Variants in P2RY8 observed in about 807,000 individuals in gnomAD.
P2RY8 encodes S-geranylgeranyl-glutathione receptor P2RY8.
P2RY8 carries 6 observed loss-of-function variants against 10.0 expected under a neutral mutation model. The ratio of observed to expected loss-of-function variants is 0.60; its 90% CI spans 0.33 to 1.19. The LOEUF (loss-of-function observed/expected upper bound fraction) is 1.19. Among genes scored for constraint, P2RY8 ranks in the 50% most tolerant of loss-of-function variants. P2RY8 has a pLI of 0.04. For synonymous variants in P2RY8, 276 were observed against 252.5 expected, an observed-to-expected ratio of 1.09 and a Z score of -0.88; for missense variants, 456 against 542.0, an observed-to-expected ratio of 0.84 and a Z score of 1.58.
intron 1 of P2RY8, among the ~76,000 whole-genome samples, chrX:1,532,720 G>A (rs1188421438): frequency 1.3e-5 from 2 of 151,902 alleles, no homozygotes; most frequent in Non-Finnish European, 2.9e-5. Flanking sequence ...ATGCCACAAC[G>A]GCCGGATGCG....
chrX:1,493,332 AGGGGAG>A (rs1173820833), intron 1 of P2RY8, among the ~76,000 whole-genome samples: 6 of 51,946 alleles, frequency 1.2e-4, no homozygotes, highest in Admixed American at 5.8e-4. Flanking sequence ...AGGGGAGGGG[AGGGGAG>A]GGGAGGGGAG....
At chrX:1,519,138 T>G (rs1450932840) in intron 1 of P2RY8, among the ~76,000 whole-genome samples, 1 of 151,790 alleles carries the variant, frequency 6.6e-6, no homozygotes, top group East Asian at 1.9e-4. Flanking sequence ...TGGTCCCTAA[T>G]AATCTCTCTG....
intron 1 of P2RY8, among the ~76,000 whole-genome samples, chrX:1,480,695 G>A (rs1294889522): frequency 6.6e-6 from 1 of 152,048 alleles, no homozygotes; most frequent in Non-Finnish European, 1.5e-5. Flanking sequence ...AGAGGAGGGA[G>A]AGCATTAGGA....
At chrX:1,513,353 T>G (rs1455385904) in intron 1 of P2RY8, among the ~76,000 whole-genome samples, 1 of 152,108 alleles carries the variant, frequency 6.6e-6, no homozygotes, top group Non-Finnish European at 1.5e-5. Context: ...ATTATTACAA[T>G]TCCAGGTGAG....
intron 1 of P2RY8, among the ~76,000 whole-genome samples, chrX:1,511,967 G>A (rs1185972994): frequency 5.3e-5 from 8 of 152,116 alleles, no homozygotes; most frequent in Non-Finnish European, 7.3e-5. Context: ...TTCTGCCTTC[G>A]GTGATATGGG....
At chrX:1,468,318 G>C (rs764147692) in intron 1 of P2RY8, among the ~76,000 whole-genome samples, 2 of 152,192 alleles carry the variant, frequency 1.3e-5, no homozygotes, top group Non-Finnish European at 2.9e-5. Flanking sequence ...AAAGTCCTAC[G>C]GTGGCGGCCT....
At chrX:1,489,671 CA>C (rs1416916907) in intron 1 of P2RY8, among the ~76,000 whole-genome samples, 1 of 150,550 alleles carries the variant, frequency 6.6e-6, no homozygotes, top group African/African-American at 2.5e-5. Flanking sequence ...AATGATACCC[CA>C]GATTCACTTC....
intron 1 of P2RY8, among the ~76,000 whole-genome samples, chrX:1,509,099 G>GTATGTATC (rs2092266784): frequency 1.4e-5 from 2 of 138,308 alleles, no homozygotes; most frequent in African/African-American, 2.6e-5. Context: ...ATGTATCTAT[G>GTATGTATC]TATCTATCTA....
intron 1 of P2RY8, among the ~76,000 whole-genome samples, chrX:1,517,468 G>GT (rs1447953818): frequency 4.6e-5 from 7 of 152,198 alleles, no homozygotes; most frequent in Non-Finnish European, 7.3e-5. Context: ...CTTGTGGGCA[G>GT]TCCCCAGTAC....
intron 1 of P2RY8, among the ~76,000 whole-genome samples, chrX:1,523,653 G>A (rs1331463425): frequency 5.3e-5 from 8 of 152,120 alleles, no homozygotes; most frequent in African/African-American, 1.7e-4. Context: ...AAATACCACT[G>A]CGTTGTATTG....
At chrX:1,479,273 C>T (rs1490676457) in intron 1 of P2RY8, among the ~76,000 whole-genome samples, 21 of 152,360 alleles carry the variant, frequency 1.4e-4, no homozygotes, top group African/African-American at 4.3e-4. Flanking sequence ...GACATACACC[C>T]GTCACCACTT....
chrX:1,532,079 A>G (rs2092479383), intron 1 of P2RY8, among the ~76,000 whole-genome samples: 1 of 150,838 alleles, frequency 6.6e-6, no homozygotes, highest in East Asian at 1.9e-4. Flanking sequence ...GAGGAAAGTA[A>G]CTCATTATAT....
At chrX:1,507,141 G>A (rs188592423) in intron 1 of P2RY8, among the ~76,000 whole-genome samples, 25 of 151,914 alleles carry the variant, frequency 1.6e-4, no homozygotes, top group South Asian at 8.4e-4. Flanking sequence ...CCAAAGTTCC[G>A]TGGTCTACTG....
At chrX:1,529,910 C>A (rs2092461189) in intron 1 of P2RY8, among the ~76,000 whole-genome samples, 2 of 151,844 alleles carry the variant, frequency 1.3e-5, no homozygotes, top group South Asian at 4.2e-4. Context: ...GTTGTCGCAA[C>A]TGTGGGGGTG....
chrX:1,509,788 GTATCCATCC>G (rs2092282888), intron 1 of P2RY8, among the ~76,000 whole-genome samples: 1 of 74,740 alleles, frequency 1.3e-5, no homozygotes, highest in African/African-American at 6.1e-5. Context: ...TATCATCTAT[GTATCCATCC>G]TATCTATCTA....
chrX:1,475,784 TAAC>T lies in P2RY8; in HGVS notation c.-24-9205_-24-9203del, dbSNP rs113487640. On this transcript the variant is annotated intron_variant, in intron 1 of 1. Coordinates refer to ENST00000381297, the MANE Select transcript of P2RY8 (RefSeq NM_178129.5). ...ATATAAAGACGGCACTGCAAAGCAA[TAAC>T]AACAACAACATGTATTCATGCAGTC... Among the ~76,000 whole-genome samples the T allele has an allele frequency of 4.5e-3, 689 of 152,218 alleles. 4 individuals carry two copies. Among genetic ancestry groups the T allele is most frequent in the African/African-American group, 0.016 (653 of 41,514 alleles).
chrX:1,529,048 C>T (rs1434810775), intron 1 of P2RY8, among the ~76,000 whole-genome samples: 1 of 152,140 alleles, frequency 6.6e-6, no homozygotes, highest in Non-Finnish European at 1.5e-5. Context: ...CATGTGGAAG[C>T]CAGCATTTAG....
At chrX:1,527,403 C>T (rs1448769443) in intron 1 of P2RY8, among the ~76,000 whole-genome samples, 3 of 152,012 alleles carry the variant, frequency 2.0e-5, no homozygotes, top group Non-Finnish European at 4.4e-5. Flanking sequence ...ATGATCCATT[C>T]ATTCACTCAT....
chrX:1,469,775 G>C (rs1464659779), intron 1 of P2RY8, among the ~76,000 whole-genome samples: 1 of 151,800 alleles, frequency 6.6e-6, no homozygotes, highest in Non-Finnish European at 1.5e-5. Context: ...TGGCATGGTG[G>C]CGAGTCCCAG....
Sources: allele counts gnomAD v4.1 joint callset (sites outside exome capture counted in the v4.1 genomes callset), GRCh38; gene constraint gnomAD v4.1.1; transcripts MANE v1.5; gene names NCBI Gene and HGNC (gene_info 2026-07-23, HGNC 2026-07-21).